TCF3: variants seen among roughly 807,000 people sequenced by gnomAD.
The protein encoded by TCF3 is transcription factor 3.
Under a neutral mutation model 72.3 loss-of-function variants are expected in TCF3, and 54 were observed. The ratio of observed to expected loss-of-function variants is 0.75; its 90% CI spans 0.60 to 0.94. TCF3 has a LOEUF of 0.94. TCF3 is among the 40% of genes least tolerant of loss of function. The pLI is 0.00. For missense variants in TCF3, 1,078 were observed against 934.4 expected (o/e 1.15, Z -2.00); for synonymous variants, 525 against 412.6 (o/e 1.27, Z -3.30).
intron 14 of TCF3, 40 bp downstream of exon 14, chr19:1,619,738 TTC>T: frequency 8.8e-7 from 1 of 1,135,764 alleles, no homozygotes; most frequent in Non-Finnish European, 1.2e-6. Context: ...GTCCTGCAAA[TTC>T]TGTCGGGGAA....
intron 1 of TCF3, chr19:1,650,932 C>G (rs1600222863): frequency 4.3e-6 from 1 of 231,592 alleles, no homozygotes; most frequent in Admixed American, 5.6e-5. Context: ...CAATCTCCCT[C>G]CCCCCAAGAA....
At chr19:1,633,596 A>G (rs1490287772) in intron 3 of TCF3, among the ~76,000 whole-genome samples, 1 of 152,212 alleles carries the variant, frequency 6.6e-6, no homozygotes, top group Admixed American at 6.5e-5. Flanking sequence ...ATAATTATGC[A>G]TATTAATCTC....
At chr19:1,634,073 G>T (rs895947873) in intron 3 of TCF3, among the ~76,000 whole-genome samples, 1 of 152,192 alleles carries the variant, frequency 6.6e-6, no homozygotes, top group Non-Finnish European at 1.5e-5. Flanking sequence ...GATCGCCCCC[G>T]AAGTTCACTC....
chr19:1,645,794 G>A (rs142795111), intron 3 of TCF3, among the ~76,000 whole-genome samples: 1,704 of 152,312 alleles, frequency 0.011, 36 homozygotes, highest in African/African-American at 0.039. Flanking sequence ...AGCCTGGGAT[G>A]TTTCTGCTTT....
chr19:1,634,456 G>A (rs1360519280), intron 3 of TCF3, among the ~76,000 whole-genome samples: 1 of 152,238 alleles, frequency 6.6e-6, no homozygotes, highest in Admixed American at 6.5e-5. Context: ...GCGCTGGGGA[G>A]AGGGCCCCAG....
At chr19:1,642,201 GAC>G (rs1339446325) in intron 3 of TCF3, among the ~76,000 whole-genome samples, 1 of 144,000 alleles carries the variant, frequency 6.9e-6, no homozygotes, top group Non-Finnish European at 1.5e-5. Flanking sequence ...CACAGACGCA[GAC>G]ACGCACACAC....
chr19:1,650,953 G>A (rs750895502), intron 1 of TCF3: 15 of 225,188 alleles, frequency 6.7e-5, no homozygotes, highest in Non-Finnish European at 1.3e-4. Flanking sequence ...AACCCCAACA[G>A]TATTCAGGAA....
intron 1 of TCF3, chr19:1,650,527 G>A (rs1220724390): frequency 2.4e-6 from 1 of 410,408 alleles, no homozygotes; most frequent in Non-Finnish European, 4.3e-6. Context: ...TCTGAAAAAT[G>A]GGGGGAGGGT....
At chr19:1,640,170 G>A (rs1339375690) in intron 3 of TCF3, among the ~76,000 whole-genome samples, 2 of 152,130 alleles carry the variant, frequency 1.3e-5, no homozygotes, top group South Asian at 2.1e-4. Context: ...GGGGCCAGGC[G>A]CAGAGGGTCA....
rs113419714 is a variant in TCF3, at chr19:1,627,382, C to G, written c.343G>C (p.Ala115Pro). The G allele has an allele frequency of 6.2e-7, 1 of 1,611,446 alleles. No individual in the cohort carries two copies. The highest frequency in any genetic ancestry group is 2.2e-5 in the East Asian group (1 of 44,886). The change falls in exon 6 of 19, where the codon GCA becomes CCA. Residue 115 changes from alanine to proline, a missense_variant. By Grantham distance (27) the Ala-to-Pro change is conservative (BLOSUM62 -1). Coordinates refer to ENST00000262965, the MANE Select transcript of TCF3 (RefSeq NM_003200.5). ...RGAYASFGRD[A>P]GVGGLTQAGF... is the part of the protein sequence containing the mutation. ...ACCTGAGTCAGGCCGCCCACGCCTG[C>G]GTCTCTCCCGAAGGAGGCATAGGCG... is the stretch of plus-strand genomic sequence containing the variant.
chr19:1,635,781 G>A (rs1387420679), intron 3 of TCF3, among the ~76,000 whole-genome samples: 1 of 152,158 alleles, frequency 6.6e-6, no homozygotes, highest in Admixed American at 6.5e-5. Context: ...AATGCCTGCT[G>A]TACTGAACAA....
chr19:1,626,374 C>T (rs1417792579), intron 6 of TCF3, among the ~76,000 whole-genome samples: 1 of 151,998 alleles, frequency 6.6e-6, no homozygotes, highest in Non-Finnish European at 1.5e-5. Flanking sequence ...CGCTTGAACC[C>T]AGGAGACAGA....
chr19:1,641,553 A>C (rs765815778), intron 3 of TCF3, among the ~76,000 whole-genome samples: 54 of 152,138 alleles, frequency 3.5e-4, no homozygotes, highest in Admixed American at 8.5e-4. Context: ...CCCAGGTTCA[A>C]GTGCTTTTCG....
In TCF3 at chr19:1,632,082, T is replaced by C. The variant is rs374558465; in HGVS notation, c.254A>G (p.His85Arg). ...FSEGTHFTES[H>R]SSLSSSTFLG... ...GAATGTGGATGAAGAGAGGCTGCTGTGCGACTCAGTGAAGTGGGTGCCCTC... is the reference window on the plus strand; with the variant it reads ...GAATGTGGATGAAGAGAGGCTGCTGCGCGACTCAGTGAAGTGGGTGCCCTC... Residue 85 changes from histidine (H) to arginine (R), a missense_variant, in exon 5 of 19, where the codon CAC becomes CGC. His to Arg is a conservative substitution (Grantham distance 29). Transcript: ENST00000262965. The C allele has an allele frequency of 1.2e-6, 2 of 1,613,360 alleles. No individual in the cohort carries two copies. Among genetic ancestry groups the C allele is most frequent in the South Asian group, 1.1e-5 (1 of 90,934 alleles).
chr19:1,644,567 C>T (rs10414021), intron 3 of TCF3, among the ~76,000 whole-genome samples: 5,657 of 152,304 alleles, frequency 0.037, 341 homozygotes, highest in African/African-American at 0.13. Context: ...AGCATTGGGG[C>T]AGGGCCGGAG....
At position 1,625,715 on chromosome 19, in the gene TCF3, G is replaced by C. The variant is rs1044277305; in HGVS notation, c.367-7C>G. The C allele has an allele frequency of 1.3e-5, 20 of 1,493,966 alleles. No homozygotes were observed. The highest frequency in any genetic ancestry group is 1.6e-5 in the Non-Finnish European group (18 of 1,127,968). 92.5% of individuals were successfully genotyped at this position (1,493,966 alleles called of 1,614,324 possible). ...CGCCTGACAGGAAGCCAGCCTGGTG[G>C]GGAGCGGATGGTCAGAAAGCGCCCA... is the stretch of plus-strand genomic sequence containing the variant. On this transcript the variant is annotated splice_region_variant and splice_polypyrimidine_tract_variant and intron_variant, in intron 6 of 18. Coordinates refer to ENST00000262965, the MANE Select transcript of TCF3 (RefSeq NM_003200.5).
chr19:1,612,336 T>C (rs1456615335), intron 18 of TCF3: 4 of 1,613,836 alleles, frequency 2.5e-6, no homozygotes, highest in Admixed American at 1.7e-5. Context: ...GCCTCGTTAA[T>C]ATCCCGCACG....
In TCF3 at chr19:1,621,881, G is replaced by C. The variant is rs772251941; in HGVS notation, c.912C>G (p.Val304=). The C allele has an allele frequency of 6.3e-7, 1 of 1,594,508 alleles. No homozygotes were observed. The highest frequency in any genetic ancestry group is 1.3e-5 in the African/African-American group (1 of 74,728). The change falls in exon 11 of 19, where the codon GTC becomes GTG. Residue 304 remains valine, a synonymous_variant. Transcript: ENST00000262965. ...CGCTGACAGGCGGCGTGTGGCTGGA[G>C]ACGCCGCCGTACGTGGCTCCGGGGG... is the stretch of plus-strand genomic sequence containing the variant. ...SSAPGATYGG[V]SSHTPPVSGA...
chr19:1,627,376 C>G lies in TCF3; in HGVS notation c.349G>C (p.Val117Leu). The change falls in exon 6 of 19, where the codon GTG becomes CTG. Residue 117 changes from valine (V) to leucine (L), a missense_variant. Physicochemically the swap from Val to Leu is conservative, Grantham distance 32. Transcript: ENST00000262965. ...CCCCTCACCTGAGTCAGGCCGCCCA[C>G]GCCTGCGTCTCTCCCGAAGGAGGCA... ...AYASFGRDAG[V>L]GGLTQAGFLS... is the part of the protein sequence containing the mutation. 1 of 1,611,050 alleles carries G rather than the reference C, an allele frequency of 6.2e-7. No individual in the cohort carries two copies. The highest frequency in any genetic ancestry group is 8.5e-7 in the Non-Finnish European group (1 of 1,179,438).
Sources: allele counts gnomAD v4.1 joint callset (sites outside exome capture counted in the v4.1 genomes callset), GRCh38; gene constraint gnomAD v4.1.1; transcripts MANE v1.5; gene names NCBI Gene and HGNC (gene_info 2026-07-23, HGNC 2026-07-21).